SLC35F3: variants seen among roughly 807,000 people sequenced by gnomAD.
SLC35F3 encodes putative thiamine transporter SLC35F3.
SLC35F3 carries 25 observed loss-of-function variants against 49.9 expected under a neutral mutation model. That is an observed-to-expected ratio of 0.50 (90% confidence interval 0.37 to 0.70). SLC35F3 has a LOEUF of 0.70. Ranked by LOEUF, SLC35F3 falls within the 30% of genes least tolerant of loss-of-function variation. SLC35F3 has a pLI of 0.00. For missense variants in SLC35F3, 525 were observed against 639.8 expected, an observed-to-expected ratio of 0.82 and a Z score of 1.94; for synonymous variants, 275 against 265.4, an observed-to-expected ratio of 1.04 and a Z score of -0.35.
At chr1:234,004,932 A>G (rs960466271) in intron 2 of SLC35F3, among the ~76,000 whole-genome samples, 1 of 152,214 alleles carries the variant, frequency 6.6e-6, no homozygotes, top group African/African-American at 2.4e-5. Flanking sequence ...ATGGAAATTC[A>G]TTAATCATAG....
In SLC35F3 at chr1:234,039,730, G is replaced by A. The variant is rs145432913; in HGVS notation, c.283+133972G>A. Among the ~76,000 whole-genome samples the A allele has an allele frequency of 3.7e-3, 562 of 152,292 alleles. 3 individuals carry two copies. Among genetic ancestry groups the A allele is most frequent in the Non-Finnish European group, 5.5e-3 (377 of 68,018 alleles). The stretch of plus-strand genomic sequence containing the variant: ...CTCAGCCTGCCATGCTCAACCCCTC[G>A]TGGGAGAGAGTGAGTAGGAGAGGGA... On this transcript the variant is annotated intron_variant, in intron 2 of 7. Transcript: ENST00000366618.
intron 2 of SLC35F3, among the ~76,000 whole-genome samples, chr1:234,146,198 T>A (rs1665992336): frequency 6.6e-6 from 1 of 152,084 alleles, no homozygotes; most frequent in African/African-American, 2.4e-5. Context: ...TCTCCTGAAT[T>A]CCACTGCATA....
chr1:234,295,188 T>C (rs957879278), intron 3 of SLC35F3, among the ~76,000 whole-genome samples: 2 of 152,210 alleles, frequency 1.3e-5, no homozygotes, highest in Admixed American at 6.5e-5. Context: ...CCTGCTCCTC[T>C]GAGAAAGGCC....
chr1:234,005,015 A>T (rs1663608360), intron 2 of SLC35F3, among the ~76,000 whole-genome samples: 1 of 152,234 alleles, frequency 6.6e-6, no homozygotes, highest in Admixed American at 6.5e-5. Flanking sequence ...AGGAAATGAA[A>T]GAATTTTTTA....
chr1:234,245,688 G>A (rs567004717), intron 3 of SLC35F3, among the ~76,000 whole-genome samples: 10 of 152,214 alleles, frequency 6.6e-5, no homozygotes, highest in African/African-American at 1.2e-4. Flanking sequence ...CACATCTGTT[G>A]TCTTCCTCCA....
At chr1:234,160,853 T>C (rs1235715218) in intron 2 of SLC35F3, among the ~76,000 whole-genome samples, 3 of 152,252 alleles carry the variant, frequency 2.0e-5, no homozygotes, top group Non-Finnish European at 4.4e-5. Flanking sequence ...ACATCAAAGC[T>C]GAAGCACAGT....
chr1:234,023,940 T>C (rs1663938152), intron 2 of SLC35F3, among the ~76,000 whole-genome samples: 1 of 152,022 alleles, frequency 6.6e-6, no homozygotes, highest in Non-Finnish European at 1.5e-5. Context: ...CTCAGCCAAG[T>C]GGAACCTAAG....
intron 2 of SLC35F3, among the ~76,000 whole-genome samples, chr1:234,184,216 T>C (rs753023303): frequency 2.0e-5 from 3 of 152,096 alleles, no homozygotes; most frequent in Non-Finnish European, 4.4e-5. Context: ...TTAGGAACCA[T>C]AATGATCTTC....
intron 2 of SLC35F3, among the ~76,000 whole-genome samples, chr1:234,135,172 G>C (rs1482548869): frequency 6.6e-6 from 1 of 152,164 alleles, no homozygotes; most frequent in Non-Finnish European, 1.5e-5. Flanking sequence ...AGGTGGAAAG[G>C]CTATACAGTG....
intron 2 of SLC35F3, among the ~76,000 whole-genome samples, chr1:234,199,055 C>CAAAAA (rs58267652): frequency 7.3e-6 from 1 of 137,772 alleles, no homozygotes. Context: ...CTTATTTCTA[C>CAAAAA]AAAAAAAAAA....
At chr1:233,946,001 T>G (rs996963965) in intron 2 of SLC35F3, among the ~76,000 whole-genome samples, 13 of 152,260 alleles carry the variant, frequency 8.5e-5, no homozygotes, top group African/African-American at 3.1e-4. Context: ...AGATAGACTT[T>G]CAGAACTTCT....
chr1:233,937,255 G>A (rs1009486776), intron 2 of SLC35F3, among the ~76,000 whole-genome samples: 1 of 152,184 alleles, frequency 6.6e-6, no homozygotes, highest in African/African-American at 2.4e-5. Context: ...TTTTAAAAAG[G>A]AGATTAAGGG....
chr1:234,166,936 C>G (rs889899359), intron 2 of SLC35F3, among the ~76,000 whole-genome samples: 1 of 152,176 alleles, frequency 6.6e-6, no homozygotes, highest in African/African-American at 2.4e-5. Flanking sequence ...CATTCCACGC[C>G]CTAAGGGAAT....
chr1:234,134,878 C>A (rs4540737), intron 2 of SLC35F3, among the ~76,000 whole-genome samples: 1 of 151,974 alleles, frequency 6.6e-6, no homozygotes, highest in Non-Finnish European at 1.5e-5. Context: ...TGTGCCACCA[C>A]GCCCGGATAA....
At chr1:234,280,696 G>C (rs6685863) in intron 3 of SLC35F3, among the ~76,000 whole-genome samples, 27,029 of 152,218 alleles carry the variant, frequency 0.18, 3,502 homozygotes, top group East Asian at 0.64. Flanking sequence ...CTCACCACGT[G>C]CTGGTGTGGT....
intron 2 of SLC35F3, among the ~76,000 whole-genome samples, chr1:234,167,954 C>T (rs982335830): frequency 6.6e-6 from 1 of 152,208 alleles, no homozygotes; most frequent in African/African-American, 2.4e-5. Context: ...GGGCCTATAG[C>T]CCCTGTTAGA....
chr1:234,029,306 A>G (rs554438343), intron 2 of SLC35F3, among the ~76,000 whole-genome samples: 5 of 152,192 alleles, frequency 3.3e-5, no homozygotes, highest in South Asian at 4.2e-4. Flanking sequence ...AGCTAAAGCA[A>G]TTCATCAAAT....
intron 2 of SLC35F3, among the ~76,000 whole-genome samples, chr1:233,917,229 T>C (rs1227262971): frequency 2.0e-5 from 3 of 152,218 alleles, no homozygotes; most frequent in African/African-American, 7.2e-5. Flanking sequence ...CTTGGGAGTA[T>C]TTTCAATCAA....
chr1:234,167,882 C>G (rs7512316), intron 2 of SLC35F3, among the ~76,000 whole-genome samples: 1 of 152,012 alleles, frequency 6.6e-6, no homozygotes, highest in Non-Finnish European at 1.5e-5. Context: ...CATGTTCTAT[C>G]CCCTAGACCT....
Sources: gnomAD v4.1 joint callset for allele counts (sites outside exome capture counted in the v4.1 genomes callset) on GRCh38, gnomAD v4.1.1 for gene constraint, MANE v1.5 for transcripts, NCBI Gene and HGNC (gene_info 2026-07-23, HGNC 2026-07-21) for gene names.